CNTN5: variants seen among roughly 807,000 people sequenced by gnomAD.
CNTN5 encodes the protein contactin-5.
CNTN5 carries 77 observed loss-of-function variants against 129.1 expected under a neutral mutation model. That is an observed-to-expected ratio of 0.60 (90% CI 0.50 to 0.72). The LOEUF is 0.72. Ranked by LOEUF, CNTN5 falls within the 30% of genes least tolerant of loss-of-function variation. CNTN5 has a pLI of 0.00. For missense variants in CNTN5, 1,478 were observed against 1,328.8 expected (o/e 1.11, Z -1.75); for synonymous variants, 509 against 465.6 (o/e 1.09, Z -1.20).
At chr11:99,304,076 C>T (rs1413420410) in intron 1 of CNTN5, among the ~76,000 whole-genome samples, 1 of 152,092 alleles carries the variant, frequency 6.6e-6, no homozygotes, top group East Asian at 1.9e-4. Context: ...AAAATGATTT[C>T]AAGCTAAATG....
intron 1 of CNTN5, among the ~76,000 whole-genome samples, chr11:99,221,856 T>C (rs1057017832): frequency 2.6e-5 from 4 of 151,994 alleles, no homozygotes; most frequent in African/African-American, 9.7e-5. Context: ...AATACACATA[T>C]ATACAGCACA....
At chr11:99,379,017 C>T (rs1322787224) in intron 2 of CNTN5, among the ~76,000 whole-genome samples, 2 of 151,900 alleles carry the variant, frequency 1.3e-5, no homozygotes, top group African/African-American at 2.4e-5. Flanking sequence ...CAATAAAATA[C>T]ATACATAAAA....
chr11:100,274,868 G>A (rs766050423), intron 18 of CNTN5, among the ~76,000 whole-genome samples: 2 of 152,156 alleles, frequency 1.3e-5, no homozygotes, highest in Non-Finnish European at 2.9e-5. Context: ...CATTCGACCC[G>A]ATACTCCCAT....
intron 6 of CNTN5, among the ~76,000 whole-genome samples, chr11:99,902,172 CT>C (rs1353881589): frequency 6.6e-6 from 1 of 151,498 alleles, no homozygotes; most frequent in Non-Finnish European, 1.5e-5. Flanking sequence ...ACCTTTTCTA[CT>C]CCTGCTAATT....
intron 1 of CNTN5, among the ~76,000 whole-genome samples, chr11:99,199,002 G>A (rs12277131): frequency 0.12 from 18,819 of 152,130 alleles, 1,218 homozygotes; most frequent in Non-Finnish European, 0.14. Flanking sequence ...TAAAGAAAGG[G>A]GGAAGGAGGA....
intron 10 of CNTN5, among the ~76,000 whole-genome samples, chr11:100,066,722 C>T (rs12277122): frequency 0.034 from 5,208 of 151,246 alleles, 305 homozygotes; most frequent in African/African-American, 0.12. Flanking sequence ...TTTTCTTTCC[C>T]AGACAGATGA....
chr11:99,374,427 A>G (rs1203866557), intron 2 of CNTN5, among the ~76,000 whole-genome samples: 1 of 152,192 alleles, frequency 6.6e-6, no homozygotes, highest in Non-Finnish European at 1.5e-5. Flanking sequence ...CAATGTATAT[A>G]AAAATGTAAG....
intron 3 of CNTN5, among the ~76,000 whole-genome samples, chr11:99,673,311 GATGGCTAGATGCACTA>G (rs1953127756): frequency 6.6e-6 from 1 of 152,108 alleles, no homozygotes. Context: ...CTTATAGCCA[GATGGCTAGATGCACTA>G]CCAATCTTAC....
intron 9 of CNTN5, chr11:100,003,653 G>T (rs1021049712): frequency 6.6e-6 from 1 of 152,186 alleles, no homozygotes; most frequent in Non-Finnish European, 1.5e-5. Context: ...GCCTTTGGAA[G>T]CCTTGAAATA....
intron 1 of CNTN5, among the ~76,000 whole-genome samples, chr11:99,235,121 A>G (rs1298954413): frequency 6.6e-6 from 1 of 151,882 alleles, no homozygotes; most frequent in African/African-American, 2.4e-5. Context: ...ATAAGCAGAC[A>G]TTAACATTCA....
rs140410977 is a variant in CNTN5, at chr11:100,044,493, C to CTT, written c.981-16710_981-16709dup. On this transcript the variant is annotated intron_variant, in intron 9 of 24. Coordinates refer to ENST00000524871, the MANE Select transcript of CNTN5 (RefSeq NM_014361.4). Reference sequence around the variant, plus strand: ...CTTTTCTCTGCAACTTTGCTAACATCTTTTTTTTTTCTTTTTAATAGCCAT... The same window carrying CTT: ...CTTTTCTCTGCAACTTTGCTAACATCTTTTTTTTTTTTCTTTTTAATAGCCAT... Among the ~76,000 whole-genome samples, 1,045 of 149,372 alleles carry CTT rather than the reference C, an allele frequency of 7.0e-3. 11 individuals carry two copies. Among genetic ancestry groups the CTT allele is most frequent in the African/African-American group, 0.021 (866 of 40,774 alleles).
intron 3 of CNTN5, among the ~76,000 whole-genome samples, chr11:99,559,237 G>A (rs1948764381): frequency 6.6e-6 from 1 of 152,048 alleles, no homozygotes; most frequent in African/African-American, 2.4e-5. Context: ...TGTGGATCAC[G>A]AGCACATTTT....
rs2135701591 is a variant in CNTN5 at position 99,220,818 on chromosome 11, CA to C, written c.-209-104524del. Among the ~76,000 whole-genome samples, 2 of 151,782 alleles carry C rather than the reference CA, an allele frequency of 1.3e-5. 1 individual carries two copies. The highest frequency in any genetic ancestry group is 3.9e-4 in the East Asian group (2 of 5,174). ...CCATACAAATCAACCTGACGCAATA[CA>C]AAAGTATAAATGTAAGCCACTCAAA... On this transcript the variant is annotated intron_variant, in intron 1 of 24. Transcript: ENST00000524871.
intron 1 of CNTN5, among the ~76,000 whole-genome samples, chr11:99,324,749 C>G (rs147774950): frequency 6.6e-6 from 1 of 152,102 alleles, no homozygotes; most frequent in Non-Finnish European, 1.5e-5. Flanking sequence ...TCACACCATT[C>G]TCCTGCCTCA....
intron 8 of CNTN5, among the ~76,000 whole-genome samples, chr11:99,961,212 A>AC (rs1950935338): frequency 7.0e-6 from 1 of 142,066 alleles, no homozygotes. Context: ...CTCAGAAAAA[A>AC]AAAAAAAAAA....
At chr11:100,313,656 A>G (rs1169234197) in intron 21 of CNTN5, among the ~76,000 whole-genome samples, 1 of 151,970 alleles carries the variant, frequency 6.6e-6, no homozygotes, top group Non-Finnish European at 1.5e-5. Flanking sequence ...AGTGGTATTT[A>G]AATCCATGCT....
At chr11:99,184,478 C>T (rs576973919) in intron 1 of CNTN5, among the ~76,000 whole-genome samples, 1 of 152,190 alleles carries the variant, frequency 6.6e-6, no homozygotes, top group Admixed American at 6.5e-5. Context: ...CAGCTTTCTT[C>T]CTCCAGGCAG....
intron 3 of CNTN5, among the ~76,000 whole-genome samples, chr11:99,785,058 C>G (rs999739762): frequency 2.0e-5 from 3 of 151,934 alleles, no homozygotes; most frequent in African/African-American, 7.2e-5. Context: ...CTCCGCCTGC[C>G]TCCACCTGCC....
Position 100,357,602 on chromosome 11 carries a change from G to T in CNTN5, c.*1382G>T, listed in dbSNP as rs1952552452. On this transcript the variant is annotated 3_prime_UTR_variant, in exon 25 of 25. Transcript: ENST00000524871. ...ATAGTTATTGCAAAGTCATATGCCA[G>T]AGAAGAGCCTGGAGAAACTATGGTT... 1 of 151,766 alleles carries T rather than the reference G, an allele frequency of 6.6e-6. No individual in the cohort carries two copies. Among genetic ancestry groups the T allele is most frequent in the African/African-American group, 2.4e-5 (1 of 41,396 alleles). 9.4% of individuals were successfully genotyped at this position (151,766 alleles called of 1,614,324 possible).
Sources: gnomAD v4.1 joint callset for allele counts (sites outside exome capture counted in the v4.1 genomes callset) on GRCh38, gnomAD v4.1.1 for gene constraint, MANE v1.5 for transcripts, NCBI Gene and HGNC (gene_info 2026-07-23, HGNC 2026-07-21) for gene names.